HSPA13: variants seen among roughly 807,000 people sequenced by gnomAD.
The protein encoded by HSPA13 is heat shock protein family A (Hsp70) member 13, also known as heat shock 70 kDa protein 13.
A neutral mutation model predicts 38.8 loss-of-function variants in HSPA13; 29 were observed. That is an observed-to-expected ratio of 0.75 (90% CI 0.56 to 1.02). The LOEUF (loss-of-function observed/expected upper bound fraction) is 1.02. HSPA13 is among the 50% of genes least tolerant of loss of function. The pLI is 0.00. For missense variants in HSPA13, 451 were observed against 560.9 expected (o/e 0.80, Z 1.98); for synonymous variants, 192 against 205.3 (o/e 0.94, Z 0.56).
rs1057073734 is a variant in HSPA13, at chr21:14,373,392, A to G, written c.*225T>C. On this transcript the variant is annotated 3_prime_UTR_variant, in exon 5 of 5. Transcript: ENST00000285667. Reference sequence around the variant, plus strand: ...AAGAGAGTTGTACCTCAATTTTATCATTTTAGAGTATTTGTTAGAATAGGA... The same window carrying G: ...AAGAGAGTTGTACCTCAATTTTATCGTTTTAGAGTATTTGTTAGAATAGGA... 2.4e-5 allele frequency: 12 copies of G among 493,168 alleles called. No individual in the cohort carries two copies. The highest frequency in any genetic ancestry group is 1.9e-4 in the African/African-American group (10 of 52,330). 30.5% of individuals were successfully genotyped at this position (493,168 alleles called of 1,614,324 possible).
At chr21:14,379,075 T>C (rs926835832) in intron 2 of HSPA13, among the ~76,000 whole-genome samples, 2 of 152,166 alleles carry the variant, frequency 1.3e-5, no homozygotes, top group Non-Finnish European at 2.9e-5. Flanking sequence ...CAGAATCTTT[T>C]CCCTTTTTTT....
chr21:14,379,954 A>G (rs1449452715), intron 2 of HSPA13, among the ~76,000 whole-genome samples: 1 of 152,082 alleles, frequency 6.6e-6, no homozygotes, highest in Non-Finnish European at 1.5e-5. Flanking sequence ...CAGAGGTTGC[A>G]GTGAGCCAAG....
At chr21:14,379,944 C>A (rs1984125163) in intron 2 of HSPA13, among the ~76,000 whole-genome samples, 1 of 151,252 alleles carries the variant, frequency 6.6e-6, no homozygotes, top group Non-Finnish European at 1.5e-5. Context: ...ACCTGGGAGG[C>A]AGAGGTTGCA....
At position 14,374,267 on chromosome 21, in the gene HSPA13, C is replaced by A; in HGVS notation, c.766G>T (p.Gly256Ter). The A allele has an allele frequency of 6.2e-7, 1 of 1,606,982 alleles. No homozygotes were observed. The highest frequency in any genetic ancestry group is 1.1e-5 in the South Asian group (1 of 91,030). ...RAMSGNNKLG[G>*]QDFNQRLLQY... Reference sequence around the variant, plus strand: ...AGCAATCTCTGATTGAAGTCCTGTCCTCCAAGTTTATTGTTTCCTGAGTGA... The same window carrying A: ...AGCAATCTCTGATTGAAGTCCTGTCATCCAAGTTTATTGTTTCCTGAGTGA... The change falls in exon 5 of 5, where the codon GGA (glycine) becomes TGA (stop). Residue 256 changes from glycine to a stop codon, truncating the protein, a stop_gained. Transcript: ENST00000285667. LOFTEE classifies it high-confidence loss of function.
chr21:14,375,939 G>A (rs1984009477), intron 3 of HSPA13, 120 bp from the exon 4 acceptor site: 2 of 711,626 alleles, frequency 2.8e-6, no homozygotes, highest in Non-Finnish European at 4.8e-6. Context: ...AATAATGAGA[G>A]CAGTCACAAA....
rs761183606 is a variant in HSPA13, at chr21:14,373,600, C to A, written c.*17G>T. On this transcript the variant is annotated 3_prime_UTR_variant, in exon 5 of 5. Transcript: ENST00000285667. Reference sequence around the variant, plus strand: ...ATCATCAGACAAGTTCACAAATAACCATTATTTCTGCAGAATTCAGTTGAA... The same window carrying A: ...ATCATCAGACAAGTTCACAAATAACAATTATTTCTGCAGAATTCAGTTGAA... 3 of 1,579,696 alleles carry A rather than the reference C, an allele frequency of 1.9e-6. No individual in the cohort carries two copies. The highest frequency in any genetic ancestry group is 2.6e-6 in the Non-Finnish European group (3 of 1,159,934).
chr21:14,381,945 C>T (rs563250379), intron 1 of HSPA13, among the ~76,000 whole-genome samples: 4 of 152,162 alleles, frequency 2.6e-5, no homozygotes, highest in East Asian at 3.9e-4. Flanking sequence ...TAAAAAGCTT[C>T]GATTATCTTT....
At chr21:14,380,329 T>G (rs902834869) in intron 2 of HSPA13, among the ~76,000 whole-genome samples, 1 of 149,684 alleles carries the variant, frequency 6.7e-6, no homozygotes, top group Non-Finnish European at 1.5e-5. Flanking sequence ...AGGTCTTTTA[T>G]AGCTCACTAA....
In HSPA13 at chr21:14,371,710, G is replaced by A. The variant is rs919227878; in HGVS notation, c.*1907C>T. The A allele has an allele frequency of 9.2e-5, 14 of 152,022 alleles. No individual in the cohort carries two copies. Among genetic ancestry groups the A allele is most frequent in the African/African-American group, 2.7e-4 (11 of 41,430 alleles). The allele number at this position is 152,022 out of a possible 1,614,324, so 9.4% of individuals were successfully genotyped here. ...GTCAATTGTTTCCAAAAGCATTAAC[G>A]GATTAAGAGACTGTCTTGAACATCT... On this transcript the variant is annotated 3_prime_UTR_variant, in exon 5 of 5. Coordinates refer to ENST00000285667, the MANE Select transcript of HSPA13 (RefSeq NM_006948.5).
intron 1 of HSPA13, 89 bp downstream of exon 1, chr21:14,383,006 C>G (rs1363604786): frequency 6.9e-7 from 1 of 1,440,296 alleles, no homozygotes; most frequent in Non-Finnish European, 9.8e-7. Flanking sequence ...CAGCTAGATC[C>G]AGGAGGTGAG....
Position 14,375,771 on chromosome 21 carries a change from G to A in HSPA13, c.629C>T (p.Ala210Val). ...VINEPTAAAM[A>V]YGLHKADVFH... is the part of the protein sequence containing the mutation. ...GACGTCAGCCTTGTGGAGACCATAG[G>A]CCATAGCTGCTGCTGTGGGTTCATT... The change falls in exon 4 of 5, where the codon GCC becomes GTC. Residue 210 changes from alanine to valine, a missense_variant. Transcript: ENST00000285667. 6.2e-7 allele frequency: 1 copy of A among 1,613,956 alleles called. No individual in the cohort carries two copies. The highest frequency in any genetic ancestry group is 8.5e-7 in the Non-Finnish European group (1 of 1,179,876).
intron 3 of HSPA13, among the ~76,000 whole-genome samples, chr21:14,376,318 C>A (rs1231874873): frequency 6.6e-6 from 1 of 152,022 alleles, no homozygotes; most frequent in Non-Finnish European, 1.5e-5. Flanking sequence ...GAGGCTGAGG[C>A]GGGAGAATGG....
Position 14,375,824 on chromosome 21 carries a change from A to C in HSPA13, c.581-5T>G. On this transcript the variant is annotated splice_polypyrimidine_tract_variant and splice_region_variant and intron_variant, in intron 3 of 4. Transcript: ENST00000285667. ...TTACCCTCAAAATCTTCAGTCCTGT[A>C]AGATTGGTTAAGGGAAGAAAAATTC... 1 of 1,611,906 alleles carries C rather than the reference A, an allele frequency of 6.2e-7. No homozygotes were observed. Among genetic ancestry groups the C allele is most frequent in the South Asian group, 1.1e-5 (1 of 90,966 alleles).
intron 3 of HSPA13, among the ~76,000 whole-genome samples, chr21:14,377,153 A>G (rs892176408): frequency 3.3e-5 from 5 of 152,246 alleles, no homozygotes; most frequent in African/African-American, 9.6e-5. Context: ...CTGGCCCAAA[A>G]TATCAGTAAT....
Position 14,374,108 on chromosome 21 carries a change from C to G in HSPA13, c.925G>C (p.Val309Leu). The G allele has an allele frequency of 6.2e-7, 1 of 1,614,152 alleles. No individual in the cohort carries two copies. The highest frequency in any genetic ancestry group is 8.5e-7 in the Non-Finnish European group (1 of 1,180,024). Residue 309 changes from valine to leucine, a missense_variant, in exon 5 of 5, where the codon GTA (valine) becomes CTA (leucine). Physicochemically the swap from Val to Leu is conservative, Grantham distance 32. Transcript: ENST00000285667. ...TCCTGCTCCTCCACCGTTAGTAATACTGACAACTGAGCAGATTGATGAAGA... is the reference window on the plus strand; with the variant it reads ...TCCTGCTCCTCCACCGTTAGTAATAGTGACAACTGAGCAGATTGATGAAGA... Reference protein sequence around the residue: ...LTLHQSAQLSVLLTVEEQDRK... With the variant: ...LTLHQSAQLSLLLTVEEQDRK...
At chr21:14,382,718 A>T (rs1984203034) in intron 1 of HSPA13, among the ~76,000 whole-genome samples, 1 of 152,222 alleles carries the variant, frequency 6.6e-6, no homozygotes, top group Admixed American at 6.5e-5. Context: ...ATCCGGATGT[A>T]GCTCCTCCCC....
chr21:14,376,319 G>T (rs566747505), intron 3 of HSPA13, among the ~76,000 whole-genome samples: 1 of 152,084 alleles, frequency 6.6e-6, no homozygotes, highest in Non-Finnish European at 1.5e-5. Context: ...AGGCTGAGGC[G>T]GGAGAATGGC....
At position 14,373,318 on chromosome 21, in the gene HSPA13, T is replaced by C. The variant is rs1177428503; in HGVS notation, c.*299A>G. On this transcript the variant is annotated 3_prime_UTR_variant, in exon 5 of 5. Coordinates refer to ENST00000285667, the MANE Select transcript of HSPA13 (RefSeq NM_006948.5). ...TATAGAATATAATGTTAAGTGCATA[T>C]GGTTATCAACCTCCAGAATCCAGAA... 3.4e-6 allele frequency: 1 copy of C among 293,896 alleles called. No individual in the cohort carries two copies. The highest frequency in any genetic ancestry group is 2.1e-5 in the African/African-American group (1 of 46,720). 18.2% of individuals were successfully genotyped at this position (293,896 alleles called of 1,614,324 possible).
intron 2 of HSPA13, 30 bp from the exon 3 acceptor site, chr21:14,378,442 A>C (rs1984083550): frequency 7.0e-7 from 1 of 1,424,358 alleles, no homozygotes. Flanking sequence ...ATAAGTAAAT[A>C]AATAAAAGAG....
Sources: gnomAD v4.1 joint callset for allele counts (sites outside exome capture counted in the v4.1 genomes callset) on GRCh38, gnomAD v4.1.1 for gene constraint, MANE v1.5 for transcripts, NCBI Gene and HGNC (gene_info 2026-07-23, HGNC 2026-07-21) for gene names.